The following C8B variants were observed in gnomAD, a reference collection of about 807,000 sequenced individuals.
C8B encodes complement C8 beta chain.
C8B carries 67 observed loss-of-function variants against 64.6 expected under a neutral mutation model. The ratio of observed to expected loss-of-function variants is 1.04; its 90% confidence interval spans 0.85 to 1.27. The LOEUF is 1.27. C8B is among the 50% of genes most tolerant of loss of function. The probability of loss-of-function intolerance (pLI) is 0.00; values close to 1 mark genes in which losing one functional copy is unlikely to be tolerated. For missense variants in C8B, 790 were observed against 725.2 expected (o/e 1.09, Z -1.03); for synonymous variants, 284 against 257.7 (o/e 1.10, Z -0.98).
chr1:56,949,695 G>T lies in C8B; in HGVS notation c.724C>A (p.Arg242Ser), dbSNP rs150146785. ...CTTGCCATTTTCTCTGTGACATTGC[G>T]TTCAAAATCTGAGTATGATTCATAC... ...KEYESYSDFERNVTEKMASKS... is the reference protein window; with the variant it reads ...KEYESYSDFESNVTEKMASKS... The change falls in exon 6 of 12, where the codon CGC becomes AGC. Residue 242 changes from arginine to serine, a missense_variant. Arg to Ser is a moderately radical substitution (Grantham distance 110). Coordinates refer to ENST00000371237, the MANE Select transcript of C8B (RefSeq NM_000066.4). 4 of 1,613,826 alleles carry T rather than the reference G, an allele frequency of 2.5e-6. No homozygotes were observed. Among genetic ancestry groups the T allele is most frequent in the East Asian group, 2.2e-5 (1 of 44,834 alleles).
intron 5 of C8B, among the ~76,000 whole-genome samples, chr1:56,950,662 G>C (rs658285): frequency 6.6e-6 from 1 of 151,996 alleles, no homozygotes; most frequent in Non-Finnish European, 1.5e-5. Flanking sequence ...ACTGAGATGC[G>C]CTGTGTCTCT....
chr1:56,945,817 A>G lies in C8B; in HGVS notation c.1105+4T>C. 2 of 1,614,090 alleles carry G rather than the reference A, an allele frequency of 1.2e-6. No homozygotes were observed. Among genetic ancestry groups the G allele is most frequent in the Non-Finnish European group, 1.7e-6 (2 of 1,179,988 alleles). ...GGAAAGCCATGGTCCCTTGGGCAGT[A>G]TACCTCCTCTCTCCATGGCCTCTTT... On this transcript the variant is annotated splice_donor_region_variant and intron_variant, in intron 7 of 11. Coordinates refer to ENST00000371237, the MANE Select transcript of C8B (RefSeq NM_000066.4).
Position 56,933,495 on chromosome 1 carries a change from A to G in C8B, c.1399-7T>C. The G allele has an allele frequency of 6.2e-7, 1 of 1,612,674 alleles. No individual in the cohort carries two copies. Among genetic ancestry groups the G allele is most frequent in the Non-Finnish European group, 8.5e-7 (1 of 1,178,704 alleles). ...GTTCATACAGAGGCTCCACCTGGAA[A>G]GGGAAAAGGGCATTTATTTCAAGAG... On this transcript the variant is annotated splice_region_variant and splice_polypyrimidine_tract_variant and intron_variant, in intron 9 of 11. Transcript: ENST00000371237.
intron 2 of C8B, 36 bp downstream of exon 2, chr1:56,959,984 T>A (rs1282303961): frequency 6.2e-7 from 1 of 1,613,516 alleles, no homozygotes; most frequent in Non-Finnish European, 8.5e-7. Context: ...CAAAGGCTCC[T>A]GGAAGCTTAG....
At chr1:56,964,127 T>C (rs1296390224) in intron 1 of C8B, 1 of 362,490 alleles carries the variant, frequency 2.8e-6, no homozygotes, top group Non-Finnish European at 3.8e-6. Context: ...TTTGTTCTCT[T>C]ACATAGCGAG....
At chr1:56,960,538 ATGCAGGCCCCATGGCTGGAGCTG>A (rs1645164490) in intron 1 of C8B, among the ~76,000 whole-genome samples, 1 of 152,234 alleles carries the variant, frequency 6.6e-6, no homozygotes, top group African/African-American at 2.4e-5. Context: ...GATTTCCAGC[ATGCAGGCCCCATGGCTGGAGCTG>A]TGCAGGCCCA....
intron 1 of C8B, among the ~76,000 whole-genome samples, chr1:56,962,199 C>T (rs923374056): frequency 3.3e-5 from 5 of 152,164 alleles, no homozygotes; most frequent in Non-Finnish European, 7.3e-5. Context: ...TGATCACTTA[C>T]GGAAAGAACT....
intron 11 of C8B, chr1:56,931,456 A>G (rs1570368106): frequency 3.0e-6 from 1 of 336,942 alleles, no homozygotes; most frequent in East Asian, 7.6e-5. Context: ...GGATTAGAGG[A>G]ATTTTTTATG....
At chr1:56,954,453 T>C (rs1322643830) in intron 4 of C8B, among the ~76,000 whole-genome samples, 2 of 152,200 alleles carry the variant, frequency 1.3e-5, no homozygotes, top group South Asian at 2.1e-4. Flanking sequence ...CACAGCTCTG[T>C]CCCAGTGTTC....
chr1:56,950,081 T>G (rs1219831060), intron 5 of C8B, among the ~76,000 whole-genome samples: 1 of 152,192 alleles, frequency 6.6e-6, no homozygotes. Context: ...CCCCAGGAAC[T>G]GCAAGGATAG....
At chr1:56,957,679 A>G (rs1645122216) in intron 2 of C8B, among the ~76,000 whole-genome samples, 1 of 152,080 alleles carries the variant, frequency 6.6e-6, no homozygotes, top group Non-Finnish European at 1.5e-5. Context: ...AGTGTTGAAA[A>G]GGTAGATGTT....
rs1429759149 is a variant in C8B, at chr1:56,933,205, C to G, written c.1552+130G>C. 1.2e-5 allele frequency: 10 copies of G among 808,296 alleles called. No individual in the cohort carries two copies. The Admixed American group carries it at 1.8e-4, about 14-fold the overall frequency. 50.1% of individuals were successfully genotyped at this position (808,296 alleles called of 1,614,324 possible). On this transcript the variant is annotated intron_variant, in intron 10 of 11. Coordinates refer to ENST00000371237, the MANE Select transcript of C8B (RefSeq NM_000066.4). The stretch of plus-strand genomic sequence containing the variant: ...TGGGGCTAGAACCCAGGTATACTGA[C>G]AGCCAGAGTAGTATCTCCCAGTGGA...
chr1:56,962,097 T>C (rs1042497804), intron 1 of C8B, among the ~76,000 whole-genome samples: 6 of 152,172 alleles, frequency 3.9e-5, no homozygotes. Flanking sequence ...GGGCCATAGG[T>C]GAGACTGAGC....
Position 56,933,389 on chromosome 1 carries a change from C to T in C8B, c.1498G>A (p.Val500Ile), listed in dbSNP as rs2101357396. The T allele has an allele frequency of 6.2e-6, 10 of 1,613,740 alleles. No homozygotes were observed. The highest frequency in any genetic ancestry group is 7.6e-6 in the Non-Finnish European group (9 of 1,179,654). The change falls in exon 10 of 12, where the codon GTT becomes ATT. Residue 500 changes from valine to isoleucine, a missense_variant. Physicochemically the swap from Val to Ile is conservative, Grantham distance 29. Coordinates refer to ENST00000371237, the MANE Select transcript of C8B (RefSeq NM_000066.4). ...CAGGGAGCACAGTGGCAGGAACTAA[C>T]TTCCTTCTGGAACTCCTCCAGTGCC... ...KQALEEFQKE[V>I]SSCHCAPCQG... is the part of the protein sequence containing the mutation.
In C8B at chr1:56,965,394, A is replaced by AGT. The variant is rs1408495707; in HGVS notation, c.92+462_92+463insAC. 1.5e-3 allele frequency among the ~76,000 whole-genome samples: 135 copies of AGT among 87,672 alleles called. 1 individual carries two copies. Among genetic ancestry groups the AGT allele is most frequent in the African/African-American group, 4.8e-3 (116 of 24,226 alleles). The allele number at this position is 87,672 out of a possible 152,430, so 57.5% of individuals were successfully genotyped here. On this transcript the variant is annotated intron_variant, in intron 1 of 11. Coordinates refer to ENST00000371237, the MANE Select transcript of C8B (RefSeq NM_000066.4). ...TGTGGGGGGTGAGAGAGAGAGAGAG[A>AGT]GAGAGTGTGTGTGTGTGTGTGTGTG...
At chr1:56,965,643 G>A (rs920244117) in intron 1 of C8B, among the ~76,000 whole-genome samples, 3 of 152,130 alleles carry the variant, frequency 2.0e-5, no homozygotes, top group African/African-American at 7.2e-5. Flanking sequence ...ATTTAAACCT[G>A]TCAGTTTCTT....
intron 3 of C8B, 79 bp from the exon 4 acceptor site, chr1:56,954,906 T>G (rs1327078623): frequency 2.6e-6 from 4 of 1,561,720 alleles, no homozygotes; most frequent in Non-Finnish European, 3.5e-6. Flanking sequence ...ACCTACCAAG[T>G]GCCAGACCTT....
rs1323143026 is a variant in C8B at position 56,929,507 on chromosome 1, G to A, written c.1673C>T (p.Ser558Phe). Residue 558 changes from serine (S) to phenylalanine (F), a missense_variant, in exon 12 of 12, where the codon TCT becomes TTT. Ser to Phe is a radical substitution (Grantham distance 155). Coordinates refer to ENST00000371237, the MANE Select transcript of C8B (RefSeq NM_000066.4). ...CCTTTGTCTTGTCTTACGTCTTCCA[G>A]AGCATGAAGACCAATTTGACCAGCA... ...WNCWSNWSSC[S>F]GRRKTRQRQC... 1.2e-6 allele frequency: 2 copies of A among 1,613,884 alleles called. No homozygotes were observed. Among genetic ancestry groups the A allele is most frequent in the East Asian group, 4.5e-5 (2 of 44,872 alleles).
intron 8 of C8B, among the ~76,000 whole-genome samples, chr1:56,941,677 T>C (rs1413425680): frequency 6.6e-6 from 1 of 152,172 alleles, no homozygotes; most frequent in African/African-American, 2.4e-5. Flanking sequence ...CTTCACAAAT[T>C]ATGAAACACG....
Sources: gnomAD v4.1 joint callset for allele counts (sites outside exome capture counted in the v4.1 genomes callset) on GRCh38, gnomAD v4.1.1 for gene constraint, MANE v1.5 for transcripts, NCBI Gene and HGNC (gene_info 2026-07-23, HGNC 2026-07-21) for gene names.